The following DENND1A variants were observed in gnomAD, a reference collection of about 807,000 sequenced individuals.
The protein encoded by DENND1A is DENN domain-containing protein 1A.
Under a neutral mutation model 113.7 loss-of-function variants are expected in DENND1A, and 51 were observed. The observed-to-expected ratio is 0.45, with a 90% CI of 0.36 to 0.57. The LOEUF is 0.57. Ranked by LOEUF, DENND1A falls within the 20% of genes least tolerant of loss-of-function variation. The pLI, the probability that DENND1A is intolerant of heterozygous loss-of-function variation, is 0.00. For missense variants in DENND1A, 1,258 were observed against 1,395.9 expected (o/e 0.90, Z 1.57); for synonymous variants, 565 against 570.8 (o/e 0.99, Z 0.14).
At chr9:123,417,606 C>T (rs1376479006) in intron 19 of DENND1A, among the ~76,000 whole-genome samples, 1 of 152,226 alleles carries the variant, frequency 6.6e-6, no homozygotes, top group Admixed American at 6.5e-5. Context: ...TCCTTTCTGA[C>T]ACGGTTCTTC....
At chr9:123,481,015 CT>C (rs940349430) in intron 13 of DENND1A, among the ~76,000 whole-genome samples, 17 of 151,930 alleles carry the variant, frequency 1.1e-4, no homozygotes, top group Admixed American at 3.3e-4. Flanking sequence ...TTCACACTGA[CT>C]TTTTTTTTCT....
Position 123,930,095 on chromosome 9 carries a change from G to A in DENND1A, c.-190C>T, listed in dbSNP as rs1040331036. 4 of 199,974 alleles carry A rather than the reference G, an allele frequency of 2.0e-5. No individual in the cohort carries two copies. The highest frequency in any genetic ancestry group is 7.2e-5 in the African/African-American group (3 of 41,530). 12.4% of individuals were successfully genotyped at this position (199,974 alleles called of 1,614,324 possible). A position where few individuals can be genotyped will look rare whatever the true frequency, so the allele number is the denominator to read the frequency against. ...TCCAGGGGTTAATGTACTCGCTCCA[G>A]CCCGGCGAACGCCATGGTCGCCGGC... On this transcript the variant is annotated 5_prime_UTR_variant, in exon 1 of 24. Coordinates refer to ENST00000394215, the MANE Select transcript of DENND1A (RefSeq NM_001352964.2).
rs532433458 is a variant in DENND1A at position 123,664,421 on chromosome 9, T to C, written c.507+2605A>G. Among the ~76,000 whole-genome samples the C allele has an allele frequency of 2.0e-4, 31 of 152,200 alleles. 1 individual carries two copies. In the South Asian group the frequency reaches 5.8e-3, roughly 28 times the overall value. The stretch of plus-strand genomic sequence containing the variant: ...TTTCACAAATTCAGTTTTTAAAAAC[T>C]ACTATTTTTCAATTTTACTTTAACA... On this transcript the variant is annotated intron_variant, in intron 8 of 23. Transcript: ENST00000394215.
intron 21 of DENND1A, among the ~76,000 whole-genome samples, chr9:123,397,446 G>A (rs1293099456): frequency 2.6e-5 from 4 of 152,162 alleles, no homozygotes; most frequent in Non-Finnish European, 5.9e-5. Flanking sequence ...GAGCCACCGT[G>A]CCCAGCCTAG....
chr9:123,388,381 C>A (rs1014225819), intron 21 of DENND1A, among the ~76,000 whole-genome samples: 4 of 152,228 alleles, frequency 2.6e-5, no homozygotes, highest in Admixed American at 2.0e-4. Flanking sequence ...CCAGTGGAAT[C>A]ATGGGTGATT....
chr9:123,484,493 G>A (rs1051882057), intron 13 of DENND1A, among the ~76,000 whole-genome samples: 6 of 152,136 alleles, frequency 3.9e-5, no homozygotes, highest in Non-Finnish European at 8.8e-5. Flanking sequence ...GACCTGCTAT[G>A]TACTGGGTGC....
chr9:123,879,259 G>A (rs1233654383), intron 1 of DENND1A, among the ~76,000 whole-genome samples: 1 of 152,140 alleles, frequency 6.6e-6, no homozygotes, highest in Non-Finnish European at 1.5e-5. Context: ...CAGGTCAGGT[G>A]TGGTGGCTCA....
At chr9:123,858,662 G>GAC (rs1844632336) in intron 2 of DENND1A, among the ~76,000 whole-genome samples, 1 of 152,136 alleles carries the variant, frequency 6.6e-6, no homozygotes. Flanking sequence ...AACAGCTACG[G>GAC]ACAGAGAGCT....
intron 13 of DENND1A, among the ~76,000 whole-genome samples, chr9:123,478,378 C>A (rs1047870882): frequency 4.6e-5 from 7 of 152,330 alleles, no homozygotes; most frequent in East Asian, 3.9e-4. Flanking sequence ...TTTCCCTGCC[C>A]GAGGCTAGCC....
intron 12 of DENND1A, among the ~76,000 whole-genome samples, chr9:123,566,744 A>T (rs539005280): frequency 6.6e-6 from 1 of 152,158 alleles, no homozygotes; most frequent in African/African-American, 2.4e-5. Context: ...CCCTCTCCCC[A>T]TGAGATTAAT....
chr9:123,784,843 T>G (rs978881199), intron 3 of DENND1A, among the ~76,000 whole-genome samples: 1 of 152,058 alleles, frequency 6.6e-6, no homozygotes, highest in African/African-American at 2.4e-5. Flanking sequence ...AGCTGGGGAG[T>G]GACCAAATTG....
At chr9:123,628,517 C>G (rs1023581406) in intron 10 of DENND1A, among the ~76,000 whole-genome samples, 5 of 151,990 alleles carry the variant, frequency 3.3e-5, no homozygotes, top group African/African-American at 1.2e-4. Context: ...GGGGAGGGGT[C>G]TGGAATGGGC....
chr9:123,685,931 T>C (rs1453776594), intron 5 of DENND1A, among the ~76,000 whole-genome samples: 3 of 151,804 alleles, frequency 2.0e-5, no homozygotes, highest in African/African-American at 7.3e-5. Context: ...AATGGGTTAG[T>C]GAGGTTCTAA....
At chr9:123,885,392 T>A (rs994140146) in intron 1 of DENND1A, among the ~76,000 whole-genome samples, 5 of 152,258 alleles carry the variant, frequency 3.3e-5, no homozygotes, top group Non-Finnish European at 7.3e-5. Context: ...AACCCTAGTC[T>A]GACACCTGGC....
At chr9:123,660,279 C>T (rs1285174334) in intron 8 of DENND1A, among the ~76,000 whole-genome samples, 1 of 152,118 alleles carries the variant, frequency 6.6e-6, no homozygotes, top group Non-Finnish European at 1.5e-5. Context: ...TAGAAACAAA[C>T]AACGCTAGCC....
At chr9:123,644,898 T>C (rs1026465596) in intron 9 of DENND1A, among the ~76,000 whole-genome samples, 2 of 152,198 alleles carry the variant, frequency 1.3e-5, no homozygotes, top group Non-Finnish European at 2.9e-5. Context: ...TCTATTAAGA[T>C]CTTTGACCTA....
At chr9:123,751,390 T>C (rs2070011101) in intron 5 of DENND1A, 1 of 152,148 alleles carries the variant, frequency 6.6e-6, no homozygotes, top group Non-Finnish European at 1.5e-5. Flanking sequence ...ACTATCCTTG[T>C]TTTTAAAAGA....
intron 2 of DENND1A, among the ~76,000 whole-genome samples, chr9:123,834,804 C>T (rs1459789497): frequency 2.6e-5 from 4 of 152,180 alleles, no homozygotes; most frequent in South Asian, 2.1e-4. Flanking sequence ...AGCTAGGAAA[C>T]CAAAACACTA....
intron 9 of DENND1A, among the ~76,000 whole-genome samples, chr9:123,635,671 T>C (rs1206818174): frequency 6.6e-6 from 1 of 152,246 alleles, no homozygotes; most frequent in Non-Finnish European, 1.5e-5. Flanking sequence ...TTCCTGGGGA[T>C]TAGTTACATT....
Sources: gnomAD v4.1 joint callset for allele counts (sites outside exome capture counted in the v4.1 genomes callset) on GRCh38, gnomAD v4.1.1 for gene constraint, MANE v1.5 for transcripts, NCBI Gene and HGNC (gene_info 2026-07-23, HGNC 2026-07-21) for gene names.